Variants in TMEM135 observed in about 807,000 individuals in gnomAD.
TMEM135 encodes transmembrane protein 135, also known as peroxisomal membrane protein 52.
A neutral mutation model predicts 60.3 loss-of-function variants in TMEM135; 30 were observed. The ratio of observed to expected loss-of-function variants is 0.50; its 90% CI spans 0.37 to 0.68. TMEM135 has a LOEUF of 0.68. Ranked by LOEUF, TMEM135 falls within the 30% of genes least tolerant of loss-of-function variation. The pLI, the probability that TMEM135 is intolerant of heterozygous loss-of-function variation, is 0.00. For synonymous variants in TMEM135, 190 were observed against 186.7 expected (o/e 1.02, Z -0.14); for missense variants, 468 against 548.8 (o/e 0.85, Z 1.47).
chr11:87,175,278 CT>C (rs1348779584), intron 5 of TMEM135, among the ~76,000 whole-genome samples: 1 of 152,074 alleles, frequency 6.6e-6, no homozygotes, highest in African/African-American at 2.4e-5. Flanking sequence ...GTATTTTATT[CT>C]TTCTGGAATA....
intron 5 of TMEM135, among the ~76,000 whole-genome samples, chr11:87,229,184 C>T (rs1940832930): frequency 1.3e-5 from 2 of 151,786 alleles, no homozygotes; most frequent in Admixed American, 1.3e-4. Flanking sequence ...TTTATTTAAC[C>T]ATCCATATTT....
At chr11:87,267,132 C>A (rs1941765247) in intron 6 of TMEM135, among the ~76,000 whole-genome samples, 2 of 151,958 alleles carry the variant, frequency 1.3e-5, no homozygotes, top group Admixed American at 1.3e-4. Flanking sequence ...TCTTAAGAGT[C>A]CAAAGAACTC....
At chr11:87,197,474 G>A (rs1939987521) in intron 5 of TMEM135, among the ~76,000 whole-genome samples, 1 of 152,024 alleles carries the variant, frequency 6.6e-6, no homozygotes, top group Non-Finnish European at 1.5e-5. Context: ...GAAAGGAGAT[G>A]GTAACCTGTA....
intron 4 of TMEM135, among the ~76,000 whole-genome samples, chr11:87,105,277 C>T (rs926921041): frequency 1.3e-5 from 2 of 152,170 alleles, no homozygotes; most frequent in Non-Finnish European, 2.9e-5. Context: ...CGCGGGTGAG[C>T]GAGCATTATT....
chr11:87,218,612 T>C (rs1295382768), intron 5 of TMEM135, among the ~76,000 whole-genome samples: 2 of 152,322 alleles, frequency 1.3e-5, no homozygotes, highest in Admixed American at 6.5e-5. Context: ...CAGTGATTCA[T>C]GGTAATCCTG....
chr11:87,276,699 A>T (rs10792933), intron 6 of TMEM135, among the ~76,000 whole-genome samples: 3 of 132,392 alleles, frequency 2.3e-5, no homozygotes, highest in Non-Finnish European at 3.1e-5. Context: ...GATGGAGTCT[A>T]GCTTTGTCAC....
chr11:87,313,834 A>G (rs1230457358), intron 11 of TMEM135, among the ~76,000 whole-genome samples: 1 of 151,866 alleles, frequency 6.6e-6, no homozygotes, highest in East Asian at 1.9e-4. Context: ...TTCTATTTTT[A>G]CCACTGGAAA....
Position 87,087,604 on chromosome 11 carries a change from G to A in TMEM135, c.363-3758G>A, listed in dbSNP as rs1281961384. Among the ~76,000 whole-genome samples, 3 of 152,302 alleles carry A rather than the reference G, an allele frequency of 2.0e-5. No homozygotes were observed. The East Asian group carries it at 5.8e-4, about 29-fold the overall frequency. Reference sequence around the variant, plus strand: ...GTTACAAACAAGTCATGATAGGACCGAGTTGTTTGCAGAATAAACTTCAGT... The same window carrying A: ...GTTACAAACAAGTCATGATAGGACCAAGTTGTTTGCAGAATAAACTTCAGT... On this transcript the variant is annotated intron_variant, in intron 3 of 14. Coordinates refer to ENST00000305494, the MANE Select transcript of TMEM135 (RefSeq NM_022918.4).
At chr11:87,152,829 A>G (rs972319578) in intron 4 of TMEM135, among the ~76,000 whole-genome samples, 14 of 152,088 alleles carry the variant, frequency 9.2e-5, no homozygotes, top group Non-Finnish European at 2.1e-4. Flanking sequence ...TCTTCTGTTT[A>G]ACTTTCTTGA....
At chr11:87,060,508 A>C (rs1453379955) in intron 1 of TMEM135, among the ~76,000 whole-genome samples, 1 of 152,214 alleles carries the variant, frequency 6.6e-6, no homozygotes, top group African/African-American at 2.4e-5. Context: ...GATAAGTGAT[A>C]ATTCTCCTTA....
chr11:87,258,856 T>G (rs1941585555), intron 6 of TMEM135: 8 of 803,088 alleles, frequency 1.0e-5, no homozygotes, highest in Non-Finnish European at 1.7e-5. Context: ...AATCTAGATC[T>G]TTCCAGGAAG....
chr11:87,138,511 C>T (rs926046240), intron 4 of TMEM135, among the ~76,000 whole-genome samples: 2 of 152,152 alleles, frequency 1.3e-5, no homozygotes, highest in African/African-American at 2.4e-5. Context: ...CCAATATAAT[C>T]AGTAAATAAG....
chr11:87,159,100 A>G (rs1317180642), intron 5 of TMEM135, among the ~76,000 whole-genome samples: 1 of 152,214 alleles, frequency 6.6e-6, no homozygotes, highest in African/African-American at 2.4e-5. Context: ...GGCAGGAAAT[A>G]GTTAAAATAG....
At chr11:87,110,847 G>A (rs1857725985) in intron 4 of TMEM135, among the ~76,000 whole-genome samples, 1 of 152,020 alleles carries the variant, frequency 6.6e-6, no homozygotes, top group Admixed American at 6.6e-5. Context: ...AAAAATTACA[G>A]GCATTATATA....
intron 4 of TMEM135, among the ~76,000 whole-genome samples, chr11:87,142,852 C>A (rs1591051884): frequency 6.6e-6 from 1 of 151,282 alleles, no homozygotes; most frequent in South Asian, 2.1e-4. Flanking sequence ...TTCTTTTCTT[C>A]CTCTTTTTTT....
chr11:87,177,921 A>G (rs1939419815), intron 5 of TMEM135, among the ~76,000 whole-genome samples: 1 of 152,140 alleles, frequency 6.6e-6, no homozygotes, highest in Non-Finnish European at 1.5e-5. Context: ...AAAATGTTAT[A>G]TAGTTTTATT....
intron 6 of TMEM135, among the ~76,000 whole-genome samples, chr11:87,273,041 A>G (rs1181108148): frequency 6.6e-6 from 1 of 152,072 alleles, no homozygotes; most frequent in Non-Finnish European, 1.5e-5. Context: ...TCTTTCTTCC[A>G]TCTTATTATT....
intron 4 of TMEM135, among the ~76,000 whole-genome samples, chr11:87,141,598 G>C (rs527915226): frequency 7.0e-4 from 107 of 152,020 alleles, no homozygotes; most frequent in South Asian, 2.5e-3. Flanking sequence ...CACTGGGTTA[G>C]AGCATCCGGA....
In TMEM135 at chr11:87,037,958, G is replaced by T. The variant is rs571795030; in HGVS notation, c.-88G>T. The T allele has an allele frequency of 5.7e-6, 9 of 1,592,804 alleles. No individual in the cohort carries two copies. Among genetic ancestry groups the T allele is most frequent in the South Asian group, 1.1e-5 (1 of 90,466 alleles). On this transcript the variant is annotated 5_prime_UTR_variant, in exon 1 of 15. Transcript: ENST00000305494. ...CATTCCGCACCTCCGAGTGCTGGCC[G>T]GGCGAGAGGCTGGCGGCTGGGCTCT...
Sources: gnomAD v4.1 joint callset for allele counts (sites outside exome capture counted in the v4.1 genomes callset) on GRCh38, gnomAD v4.1.1 for gene constraint, MANE v1.5 for transcripts, NCBI Gene and HGNC (gene_info 2026-07-23, HGNC 2026-07-21) for gene names.